Variants in RBMS3 observed in about 807,000 individuals in gnomAD.
RBMS3 encodes RNA binding motif single stranded interacting protein 3.
Under a neutral mutation model 66.8 loss-of-function variants are expected in RBMS3, and 27 were observed. That is an observed-to-expected ratio of 0.40 (90% CI 0.30 to 0.56). The LOEUF is 0.56. Among genes scored for constraint, RBMS3 ranks in the 20% least tolerant of loss-of-function variants. RBMS3 has a pLI of 0.40. For synonymous variants in RBMS3, 188 were observed against 183.0 expected (o/e 1.03, Z -0.22); for missense variants, 513 against 549.5 (o/e 0.93, Z 0.66).
intron 1 of RBMS3, among the ~76,000 whole-genome samples, chr3:29,323,725 CA>C (rs1489610636): frequency 5.0e-4 from 74 of 147,176 alleles, no homozygotes; most frequent in Middle Eastern, 6.9e-3. Context: ...CACACACACA[CA>C]CCCCTTGGAC....
rs1695142785 is a variant in RBMS3, at chr3:29,944,141, G to T, written c.1051-66G>T. 3.5e-6 allele frequency: 5 copies of T among 1,427,278 alleles called. No homozygotes were observed. In the South Asian group the frequency reaches 5.7e-5, roughly 16 times the overall value. The allele number at this position is 1,427,278 out of a possible 1,614,324, so 88.4% of individuals were successfully genotyped here. ...CACAGCGGACTCTTCCACGTGTTAG[G>T]GCTGATTCTATTTTATTTTCTTTTG... On this transcript the variant is annotated intron_variant, in intron 11 of 14. Transcript: ENST00000383767.
chr3:29,549,737 G>A (rs1310816008), intron 3 of RBMS3, among the ~76,000 whole-genome samples: 10 of 151,892 alleles, frequency 6.6e-5, no homozygotes, highest in Admixed American at 2.0e-4. Context: ...TTTTAAGCTA[G>A]CAGGAATATA....
intron 13 of RBMS3, among the ~76,000 whole-genome samples, chr3:29,989,755 G>C (rs143163364): frequency 6.6e-6 from 1 of 152,052 alleles, no homozygotes; most frequent in Non-Finnish European, 1.5e-5. Context: ...AGTTTTAATT[G>C]TCTTTTCAGA....
chr3:29,996,702 G>T (rs1314106527), intron 14 of RBMS3, among the ~76,000 whole-genome samples: 1 of 152,114 alleles, frequency 6.6e-6, no homozygotes, highest in Non-Finnish European at 1.5e-5. Flanking sequence ...CAGAAATAAA[G>T]ATGTTCTTTG....
intron 4 of RBMS3, among the ~76,000 whole-genome samples, chr3:29,638,900 C>T (rs1559528445): frequency 6.6e-6 from 1 of 151,756 alleles, no homozygotes; most frequent in Non-Finnish European, 1.5e-5. Context: ...ATGTATATCG[C>T]TGTAAATTAA....
intron 4 of RBMS3, among the ~76,000 whole-genome samples, chr3:29,587,683 T>C (rs2047582956): frequency 6.6e-6 from 1 of 151,914 alleles, no homozygotes; most frequent in South Asian, 2.1e-4. Flanking sequence ...TGGGGAGAGC[T>C]GATTGTTGAA....
intron 4 of RBMS3, among the ~76,000 whole-genome samples, chr3:29,655,369 C>A (rs996948103): frequency 6.6e-6 from 1 of 152,148 alleles, no homozygotes; most frequent in African/African-American, 2.4e-5. Context: ...CATAAAGTAG[C>A]AATGAGAATT....
chr3:29,428,095 TTTTG>T (rs1478807837), intron 1 of RBMS3, among the ~76,000 whole-genome samples: 4 of 151,974 alleles, frequency 2.6e-5, no homozygotes, highest in Admixed American at 2.6e-4. Flanking sequence ...GGTGGTAAGG[TTTTG>T]TTTACGGTTT....
intron 6 of RBMS3, 141 bp downstream of exon 6, chr3:29,763,130 G>A (rs890770226): frequency 1.6e-5 from 9 of 554,644 alleles, no homozygotes; most frequent in East Asian, 6.5e-5. Context: ...AAATAATACT[G>A]TGTAGCAACT....
intron 12 of RBMS3, among the ~76,000 whole-genome samples, chr3:29,972,649 A>T (rs1697302841): frequency 6.6e-6 from 1 of 152,174 alleles, no homozygotes; most frequent in South Asian, 2.1e-4. Context: ...AATGCCTTCA[A>T]CATTTTCTCT....
intron 7 of RBMS3, chr3:29,880,892 C>T (rs770161728): frequency 2.9e-5 from 41 of 1,399,154 alleles, no homozygotes; most frequent in Non-Finnish European, 4.9e-6. Context: ...ACCTCCCTCT[C>T]CCAAGGTACC....
intron 2 of RBMS3, among the ~76,000 whole-genome samples, chr3:29,452,198 T>C (rs2042039309): frequency 6.6e-6 from 1 of 152,170 alleles, no homozygotes; most frequent in African/African-American, 2.4e-5. Context: ...ATAGGAAATG[T>C]CCCTCCCAGT....
At chr3:29,812,703 T>C (rs986655661) in intron 6 of RBMS3, among the ~76,000 whole-genome samples, 4 of 152,164 alleles carry the variant, frequency 2.6e-5, no homozygotes, top group African/African-American at 7.2e-5. Flanking sequence ...AAAATAGTTT[T>C]ATTGCCAAAA....
rs34934611 is a variant in RBMS3, at chr3:29,679,768, G to GTATATATATATATATATATATATATATA, written c.400-59933_400-59932insATATATATATATATATATATATATATAT. On this transcript the variant is annotated intron_variant, in intron 4 of 14. Transcript: ENST00000383767. ...TAGCAATAATTTATACTACTTGACT[G>GTATATATATATATATATATATATATATA]TATATATATATATATATATTATACA... Among the ~76,000 whole-genome samples, 112 of 145,330 alleles carry GTATATATATATATATATATATATATATA rather than the reference G, an allele frequency of 7.7e-4. 2 individuals carry two copies. The highest frequency in any genetic ancestry group is 2.7e-3 in the African/African-American group (105 of 38,526).
intron 4 of RBMS3, among the ~76,000 whole-genome samples, chr3:29,662,451 T>C (rs1008185872): frequency 7.2e-5 from 11 of 152,170 alleles, no homozygotes; most frequent in African/African-American, 2.4e-4. Flanking sequence ...CTGTATGTAG[T>C]AGAAAAAGCT....
intron 3 of RBMS3, among the ~76,000 whole-genome samples, chr3:29,490,933 A>T (rs1208200697): frequency 6.6e-6 from 1 of 152,176 alleles, no homozygotes; most frequent in Non-Finnish European, 1.5e-5. Flanking sequence ...CTGCACAGGT[A>T]AGCAACACCT....
chr3:29,999,341 A>G (rs1472616271), intron 14 of RBMS3, among the ~76,000 whole-genome samples: 6 of 152,166 alleles, frequency 3.9e-5, no homozygotes, highest in Non-Finnish European at 8.8e-5. Context: ...CAAACATTGT[A>G]GAAGTCAGTG....
chr3:29,818,848 T>C lies in RBMS3; in HGVS notation c.638-50010T>C, dbSNP rs183973160. On this transcript the variant is annotated intron_variant, in intron 6 of 14. Coordinates refer to ENST00000383767, the MANE Select transcript of RBMS3 (RefSeq NM_001003793.3). ...AAATTAGTTATGTTGAACTCAGTAA[T>C]TCAATGAAAGTTATTATCTCCATGG... Among the ~76,000 whole-genome samples, 313 of 152,270 alleles carry C rather than the reference T, an allele frequency of 2.1e-3. 8 individuals carry two copies. Among genetic ancestry groups the C allele is most frequent in the Admixed American group, 0.02 (309 of 15,284 alleles).
intron 3 of RBMS3, among the ~76,000 whole-genome samples, chr3:29,566,670 A>G (rs1447227358): frequency 6.6e-6 from 1 of 151,350 alleles, no homozygotes; most frequent in East Asian, 1.9e-4. Context: ...GAAAAAGAGT[A>G]TACATTGTGC....
Sources: gnomAD v4.1 joint callset for allele counts (sites outside exome capture counted in the v4.1 genomes callset) on GRCh38, gnomAD v4.1.1 for gene constraint, MANE v1.5 for transcripts, NCBI Gene and HGNC (gene_info 2026-07-23, HGNC 2026-07-21) for gene names.